The following AGBL4 variants were observed in gnomAD, a reference collection of about 807,000 sequenced individuals.
AGBL4 encodes AGBL carboxypeptidase 4, also known as cytosolic carboxypeptidase 6.
A neutral mutation model predicts 66.4 loss-of-function variants in AGBL4; 58 were observed. The observed-to-expected ratio is 0.87, with a 90% confidence interval of 0.71 to 1.09. AGBL4 has a LOEUF of 1.09. Ranked by LOEUF, AGBL4 falls within the 50% of genes least tolerant of loss-of-function variation. The probability of loss-of-function intolerance (pLI) is 0.00; values close to 1 mark genes in which losing one functional copy is unlikely to be tolerated. For missense variants in AGBL4, 579 were observed against 631.0 expected (o/e 0.92, Z 0.88); for synonymous variants, 234 against 222.9 (o/e 1.05, Z -0.44).
intron 6 of AGBL4, among the ~76,000 whole-genome samples, chr1:48,699,386 T>G (rs1316747378): frequency 6.6e-6 from 1 of 152,242 alleles, no homozygotes; most frequent in African/African-American, 2.4e-5. Context: ...TTGAATATTA[T>G]CATTTTTACA....
At chr1:49,607,717 A>C (rs1645085132) in intron 3 of AGBL4, among the ~76,000 whole-genome samples, 1 of 152,116 alleles carries the variant, frequency 6.6e-6, no homozygotes, top group South Asian at 2.1e-4. Flanking sequence ...GCTGGGTCTC[A>C]CTGATCTCTA....
chr1:49,685,301 G>A (rs532355465), intron 3 of AGBL4, among the ~76,000 whole-genome samples: 13 of 151,998 alleles, frequency 8.6e-5, no homozygotes, highest in South Asian at 6.2e-4. Flanking sequence ...TCAGTTCACC[G>A]TTGATGGGCA....
intron 3 of AGBL4, among the ~76,000 whole-genome samples, chr1:49,575,917 G>A (rs559642564): frequency 6.6e-6 from 1 of 152,262 alleles, no homozygotes; most frequent in South Asian, 2.1e-4. Flanking sequence ...GATATCACAT[G>A]GGTCCATTAC....
At chr1:49,836,044 C>A (rs11805593) in intron 2 of AGBL4, among the ~76,000 whole-genome samples, 1 of 151,994 alleles carries the variant, frequency 6.6e-6, no homozygotes. Context: ...GTAAATCTGA[C>A]GATTATGTTT....
rs200866197 is a variant in AGBL4 at position 48,756,047 on chromosome 1, G to A, written c.635-92806C>T. On this transcript the variant is annotated intron_variant, in intron 6 of 13. Transcript: ENST00000371839. ...CCCTGTCTTAGCTCCTCCATTACAT[G>A]ATGTTGAACAGGAGCTAACAGTAAT... 1.2e-4 allele frequency among the ~76,000 whole-genome samples: 18 copies of A among 152,304 alleles called. No homozygotes were observed. In the East Asian group the frequency reaches 3.3e-3, roughly 28 times the overall value.
chr1:49,852,099 T>A (rs1646318286), intron 1 of AGBL4, among the ~76,000 whole-genome samples: 1 of 152,172 alleles, frequency 6.6e-6, no homozygotes, highest in Non-Finnish European at 1.5e-5. Flanking sequence ...TCACCTAAGA[T>A]GTAGAAAAAT....
chr1:48,581,769 A>C (rs1644744286), intron 11 of AGBL4, among the ~76,000 whole-genome samples: 1 of 152,236 alleles, frequency 6.6e-6, no homozygotes. Context: ...TGCAGCCCTA[A>C]CAACAATCCT....
chr1:49,753,822 C>A (rs1571490578), intron 2 of AGBL4, among the ~76,000 whole-genome samples: 1 of 152,124 alleles, frequency 6.6e-6, no homozygotes, highest in East Asian at 1.9e-4. Flanking sequence ...TTAAGTTGAT[C>A]TTCAGTCTCT....
At chr1:48,870,029 T>C (rs1252611864) in intron 5 of AGBL4, among the ~76,000 whole-genome samples, 1 of 152,076 alleles carries the variant, frequency 6.6e-6, no homozygotes, top group Non-Finnish European at 1.5e-5. Flanking sequence ...TATGCTATCA[T>C]CTCTGTCTAC....
chr1:49,364,974 T>A (rs560227013), intron 3 of AGBL4, among the ~76,000 whole-genome samples: 157 of 152,328 alleles, frequency 1.0e-3, no homozygotes, highest in African/African-American at 3.7e-3. Context: ...GTGAAATGGT[T>A]AGCACCTGTT....
intron 3 of AGBL4, among the ~76,000 whole-genome samples, chr1:49,594,213 G>A (rs182103906): frequency 1.2e-4 from 19 of 152,236 alleles, no homozygotes; most frequent in Non-Finnish European, 1.3e-4. Flanking sequence ...TCAATTGTAC[G>A]AAAAACTAAT....
intron 4 of AGBL4, among the ~76,000 whole-genome samples, chr1:49,131,198 T>A (rs184393236): frequency 6.6e-6 from 1 of 152,090 alleles, no homozygotes; most frequent in Admixed American, 6.6e-5. Context: ...TAATTTATAA[T>A]GGTAGAATGT....
At chr1:48,961,069 T>C (rs1281494067) in intron 5 of AGBL4, among the ~76,000 whole-genome samples, 1 of 150,116 alleles carries the variant, frequency 6.7e-6, no homozygotes, top group Non-Finnish European at 1.5e-5. Context: ...CTTGGGCAGA[T>C]CCCAGTCTGG....
At chr1:49,441,430 A>G (rs1487801250) in intron 3 of AGBL4, among the ~76,000 whole-genome samples, 2 of 152,196 alleles carry the variant, frequency 1.3e-5, no homozygotes, top group Non-Finnish European at 2.9e-5. Context: ...GGATTAAAAG[A>G]TGGTCCACTG....
At chr1:49,715,178 A>G (rs1176215122) in intron 2 of AGBL4, among the ~76,000 whole-genome samples, 1 of 151,934 alleles carries the variant, frequency 6.6e-6, no homozygotes, top group African/African-American at 2.4e-5. Flanking sequence ...ATGTGTTCTC[A>G]TTGTTCAGCT....
chr1:48,992,435 C>T (rs1490702037), intron 5 of AGBL4, among the ~76,000 whole-genome samples: 6 of 152,054 alleles, frequency 3.9e-5, no homozygotes, highest in Admixed American at 3.3e-4. Flanking sequence ...TGACCTGAAG[C>T]CAGTATAGCA....
intron 5 of AGBL4, among the ~76,000 whole-genome samples, chr1:48,903,780 A>C (rs1652316590): frequency 6.6e-6 from 1 of 152,038 alleles, no homozygotes; most frequent in African/African-American, 2.4e-5. Flanking sequence ...GTCACCAAAC[A>C]AGTTGTTCCC....
chr1:49,910,266 A>T (rs866987113), intron 1 of AGBL4, among the ~76,000 whole-genome samples: 5 of 152,346 alleles, frequency 3.3e-5, no homozygotes, highest in Middle Eastern at 3.4e-3. Flanking sequence ...GAGATGAAAC[A>T]GTTTCAAAAA....
At chr1:48,849,914 T>A (rs1570824883) in intron 6 of AGBL4, among the ~76,000 whole-genome samples, 1 of 151,978 alleles carries the variant, frequency 6.6e-6, no homozygotes, top group Non-Finnish European at 1.5e-5. Flanking sequence ...CAGAGGTTGC[T>A]GTGAGCCGAG....
Sources: allele counts gnomAD v4.1 joint callset (sites outside exome capture counted in the v4.1 genomes callset), GRCh38; gene constraint gnomAD v4.1.1; transcripts MANE v1.5; gene names NCBI Gene and HGNC (gene_info 2026-07-23, HGNC 2026-07-21).